Variants in UTRN observed in about 807,000 individuals in gnomAD.
UTRN encodes utrophin.
Under a neutral mutation model 463.9 loss-of-function variants are expected in UTRN, and 283 were observed. The observed-to-expected ratio is 0.61, with a 90% CI of 0.55 to 0.67. The LOEUF is 0.67. Ranked by LOEUF, UTRN falls within the 30% of genes least tolerant of loss-of-function variation. The probability of loss-of-function intolerance (pLI) is 0.00; values close to 1 mark genes in which losing one functional copy is unlikely to be tolerated. For synonymous variants in UTRN, 1,442 were observed against 1,431.5 expected (o/e 1.01, Z -0.17); for missense variants, 3,922 against 4,084.3 (o/e 0.96, Z 1.08).
At chr6:144,742,578 G>A (rs1790227629) in intron 54 of UTRN, among the ~76,000 whole-genome samples, 1 of 152,114 alleles carries the variant, frequency 6.6e-6, no homozygotes, top group Non-Finnish European at 1.5e-5. Context: ...AACCTGGTTT[G>A]CTTATGTGAA....
At chr6:144,790,920 G>A (rs755745774) in intron 62 of UTRN, among the ~76,000 whole-genome samples, 5 of 152,124 alleles carry the variant, frequency 3.3e-5, no homozygotes, top group Non-Finnish European at 5.9e-5. Context: ...CTTACATTGT[G>A]GATAATTCAA....
At chr6:144,737,537 A>G (rs1224029501) in intron 54 of UTRN, among the ~76,000 whole-genome samples, 1 of 152,226 alleles carries the variant, frequency 6.6e-6, no homozygotes, top group Non-Finnish European at 1.5e-5. Flanking sequence ...AGGAATTTAT[A>G]TTATATTTTA....
chr6:144,572,867 T>A (rs1801083714), intron 50 of UTRN, among the ~76,000 whole-genome samples: 1 of 152,230 alleles, frequency 6.6e-6, no homozygotes, highest in South Asian at 2.1e-4. Flanking sequence ...TACATGTGCA[T>A]GTGTCTTTAT....
intron 66 of UTRN, among the ~76,000 whole-genome samples, chr6:144,824,663 A>G (rs1780000728): frequency 1.0e-5 from 1 of 98,270 alleles, no homozygotes; most frequent in Admixed American, 1.5e-4. Context: ...TCTGTTTCCC[A>G]GGCTGGAGTG....
chr6:144,565,474 G>A (rs544910065), intron 50 of UTRN, among the ~76,000 whole-genome samples: 1 of 152,078 alleles, frequency 6.6e-6, no homozygotes, highest in South Asian at 2.1e-4. Context: ...GAAGAGAGGG[G>A]TATGCTTAAC....
At chr6:144,736,220 T>G (rs1789376158) in intron 54 of UTRN, among the ~76,000 whole-genome samples, 1 of 152,208 alleles carries the variant, frequency 6.6e-6, no homozygotes, top group Non-Finnish European at 1.5e-5. Flanking sequence ...CTATTAGAAG[T>G]AGCAAGCATT....
At chr6:144,702,690 A>G (rs917850958) in intron 53 of UTRN, among the ~76,000 whole-genome samples, 1 of 152,214 alleles carries the variant, frequency 6.6e-6, no homozygotes, top group Non-Finnish European at 1.5e-5. Flanking sequence ...TGATGTAGTA[A>G]GCACTTAGCA....
chr6:144,839,044 A>ACCT, intron 71 of UTRN, 129 bp from the exon 72 acceptor site: 1 of 628,498 alleles, frequency 1.6e-6, no homozygotes, highest in East Asian at 3.0e-5. Flanking sequence ...TGTATGGAAA[A>ACCT]CATCTGAAGG....
chr6:144,732,956 G>T (rs1443142457), intron 54 of UTRN, among the ~76,000 whole-genome samples: 1 of 152,028 alleles, frequency 6.6e-6, no homozygotes, highest in Non-Finnish European at 1.5e-5. Context: ...TCCCATTTTG[G>T]TCTCCAAAAG....
chr6:144,823,013 A>G (rs889299931), intron 66 of UTRN, among the ~76,000 whole-genome samples: 1 of 152,128 alleles, frequency 6.6e-6, no homozygotes, highest in African/African-American at 2.4e-5. Context: ...TTCAATGTCA[A>G]AATAATCATT....
intron 53 of UTRN, chr6:144,707,137 A>G (rs190442312): frequency 6.6e-6 from 1 of 152,338 alleles, no homozygotes; most frequent in Admixed American, 6.5e-5. Context: ...AGCTTTAACT[A>G]TAAATTTCTT....
intron 51 of UTRN, among the ~76,000 whole-genome samples, chr6:144,657,286 A>G (rs1297630668): frequency 6.6e-6 from 1 of 151,006 alleles, no homozygotes; most frequent in Non-Finnish European, 1.5e-5. Flanking sequence ...GGCTGACATC[A>G]TAGCTAGATT....
intron 57 of UTRN, among the ~76,000 whole-genome samples, chr6:144,755,970 C>T (rs2128725372): frequency 6.6e-6 from 1 of 152,188 alleles, no homozygotes; most frequent in East Asian, 1.9e-4. Flanking sequence ...CTCTCACCCT[C>T]CTCACTGCCC....
At chr6:144,746,389 CT>C (rs1790746501) in intron 54 of UTRN, among the ~76,000 whole-genome samples, 1 of 152,150 alleles carries the variant, frequency 6.6e-6, no homozygotes, top group South Asian at 2.1e-4. Flanking sequence ...CTCAAGAAGC[CT>C]TTGCAATCCT....
Position 144,389,075 on chromosome 6 carries a change from G to A in UTRN, c.80-14048G>A, listed in dbSNP as rs140425524. Among the ~76,000 whole-genome samples the A allele has an allele frequency of 3.5e-3, 526 of 152,306 alleles. 1 individual carries two copies. Among genetic ancestry groups the A allele is most frequent in the Non-Finnish European group, 5.8e-3 (395 of 68,024 alleles). On this transcript the variant is annotated intron_variant, in intron 2 of 74. Transcript: ENST00000367545. Reference sequence around the variant, plus strand: ...ATGTTCCCAAGGTGGTCAGAGCACAGTTTGGTTTTATACATTTTAGGGAGA... The same window carrying A: ...ATGTTCCCAAGGTGGTCAGAGCACAATTTGGTTTTATACATTTTAGGGAGA...
chr6:144,555,006 T>TA (rs1799253545), intron 49 of UTRN, 113 bp downstream of exon 49: 1 of 1,230,912 alleles, frequency 8.1e-7, no homozygotes, highest in African/African-American at 1.5e-5. Flanking sequence ...CCTAAGTTCT[T>TA]AGAGTGTCTA....
intron 2 of UTRN, among the ~76,000 whole-genome samples, chr6:144,391,155 T>C (rs1453990459): frequency 6.6e-6 from 1 of 152,062 alleles, no homozygotes. Context: ...CCCTGCAGCC[T>C]CAAACTCCTG....
chr6:144,650,639 C>T (rs1488523623), intron 51 of UTRN, among the ~76,000 whole-genome samples: 2 of 152,122 alleles, frequency 1.3e-5, no homozygotes, highest in African/African-American at 2.4e-5. Context: ...GGCCGGGCGC[C>T]GTGGCTCACG....
intron 54 of UTRN, among the ~76,000 whole-genome samples, chr6:144,742,608 G>C (rs1369492720): frequency 6.6e-6 from 1 of 152,068 alleles, no homozygotes; most frequent in Non-Finnish European, 1.5e-5. Flanking sequence ...AGATATCTAA[G>C]CCTCCCAGAG....
Sources: gnomAD v4.1 joint callset for allele counts (sites outside exome capture counted in the v4.1 genomes callset) on GRCh38, gnomAD v4.1.1 for gene constraint, MANE v1.5 for transcripts, NCBI Gene and HGNC (gene_info 2026-07-23, HGNC 2026-07-21) for gene names.